CUX1: variants seen among roughly 807,000 people sequenced by gnomAD.
The protein encoded by CUX1 is protein CASP.
A neutral mutation model predicts 158.8 loss-of-function variants in CUX1; 31 were observed. That is an observed-to-expected ratio of 0.20 (90% CI 0.15 to 0.26). CUX1 has a LOEUF of 0.26. Ranked by LOEUF, CUX1 falls within the 10% of genes least tolerant of loss-of-function variation. The pLI is 1.00. For missense variants in CUX1, 1,589 were observed against 2,014.6 expected (o/e 0.79, Z 4.04); for synonymous variants, 879 against 862.1 (o/e 1.02, Z -0.34).
At chr7:102,154,833 T>C (rs1484687975) in intron 8 of CUX1, among the ~76,000 whole-genome samples, 1 of 152,046 alleles carries the variant, frequency 6.6e-6, no homozygotes, top group East Asian at 1.9e-4. Flanking sequence ...AGAGAGGGCT[T>C]ATATAGGGGC....
At chr7:102,211,766 T>C (rs1467790434) in intron 20 of CUX1, among the ~76,000 whole-genome samples, 2 of 105,320 alleles carry the variant, frequency 1.9e-5, no homozygotes, top group East Asian at 2.7e-4. Flanking sequence ...GTGACAAGAG[T>C]GAAACTCCAT....
intron 2 of CUX1, among the ~76,000 whole-genome samples, chr7:101,987,771 G>A (rs1007281740): frequency 1.3e-5 from 2 of 152,260 alleles, no homozygotes; most frequent in Non-Finnish European, 2.9e-5. Flanking sequence ...ACAGGAAACG[G>A]CAAATGAATG....
Position 102,189,805 on chromosome 7 carries a change from G to T in CUX1, c.1018-8G>T. On this transcript the variant is annotated splice_region_variant and splice_polypyrimidine_tract_variant and intron_variant, in intron 11 of 23. Coordinates refer to ENST00000292535, the MANE Select transcript of CUX1 (RefSeq NM_181552.4). ...ATGGCCACTGATCAAATTCTTCTCT[G>T]TTTTCAGCAACTGGAAGAAAAACTC... is the stretch of plus-strand genomic sequence containing the variant. 6.2e-7 allele frequency: 1 copy of T among 1,614,212 alleles called. No homozygotes were observed. Among genetic ancestry groups the T allele is most frequent in the Non-Finnish European group, 8.5e-7 (1 of 1,180,016 alleles).
At chr7:101,867,041 C>T (rs1007217715) in intron 1 of CUX1, among the ~76,000 whole-genome samples, 14 of 152,194 alleles carry the variant, frequency 9.2e-5, no homozygotes, top group African/African-American at 3.4e-4. Context: ...GCCAACATGG[C>T]GAAACGCCAT....
rs118042089 is a variant in CUX1 at position 101,916,296 on chromosome 7, C to T, written c.141+71C>T. ...GCTGGTGCATGTTCAGGCGACGCTC[C>T]GTGAGCGTTTCATTTTCATCAGATG... On this transcript the variant is annotated intron_variant, in intron 2 of 23. Transcript: ENST00000292535. The surrounding 1 kb of genome is among the most constrained non-coding windows in gnomAD (Gnocchi z 4.4). The T allele has an allele frequency of 2.2e-4, 214 of 977,546 alleles. No individual in the cohort carries two copies. In the East Asian group the frequency reaches 4.3e-3, roughly 20 times the overall value. 60.6% of individuals were successfully genotyped at this position (977,546 alleles called of 1,614,324 possible).
chr7:101,873,865 A>G (rs1562953200), intron 1 of CUX1, among the ~76,000 whole-genome samples: 1 of 152,326 alleles, frequency 6.6e-6, no homozygotes, highest in East Asian at 1.9e-4. Flanking sequence ...GAATACAGGC[A>G]TGAGCTACCG....
chr7:101,822,505 A>C (rs1278128690), intron 1 of CUX1: 2 of 152,216 alleles, frequency 1.3e-5, no homozygotes, highest in Non-Finnish European at 2.9e-5. Flanking sequence ...CCTGCGCCTG[A>C]AACAGCTTTG....
chr7:101,963,911 C>G (rs1302218367), intron 2 of CUX1, among the ~76,000 whole-genome samples: 1 of 152,142 alleles, frequency 6.6e-6, no homozygotes, highest in Non-Finnish European at 1.5e-5. Flanking sequence ...CTCACCTTCC[C>G]AAAGTGTTGG....
At chr7:102,261,312 G>T (rs1306230335), downstream of CUX1, among the ~76,000 whole-genome samples, 4 of 152,136 alleles carry the variant, frequency 2.6e-5, no homozygotes, top group Admixed American at 6.6e-5. Flanking sequence ...TGGCCAACAT[G>T]ATGAAACCCC....
intron 2 of CUX1, among the ~76,000 whole-genome samples, chr7:102,000,442 A>G (rs567689308): frequency 2.5e-4 from 38 of 152,334 alleles, no homozygotes; most frequent in Middle Eastern, 6.8e-3. Flanking sequence ...CCTCTTGTGG[A>G]AGGAAGATCG....
At position 101,916,345 on chromosome 7, in the gene CUX1, G is replaced by A. The variant is rs1026962158; in HGVS notation, c.141+120G>A. On this transcript the variant is annotated intron_variant, in intron 2 of 23. Coordinates refer to ENST00000292535, the MANE Select transcript of CUX1 (RefSeq NM_181552.4). This position sits in a 1 kb window ranked among gnomAD's most constrained non-coding sequence, Gnocchi z 4.4. ...TGAACGCACGGCCGGCAAACAACCC[G>A]TTTCTTTCCCCAGATGTCTTCAGCC... is the stretch of plus-strand genomic sequence containing the variant. 2.4e-5 allele frequency: 16 copies of A among 660,026 alleles called. No homozygotes were observed. Among genetic ancestry groups the A allele is most frequent in the Middle Eastern group, 3.5e-4 (1 of 2,836 alleles). The allele number at this position is 660,026 out of a possible 1,614,324, so 40.9% of individuals were successfully genotyped here. A position where few individuals can be genotyped will look rare whatever the true frequency, so the allele number is the denominator to read the frequency against.
intron 2 of CUX1, among the ~76,000 whole-genome samples, chr7:101,952,648 C>T (rs555481165): frequency 2.0e-5 from 3 of 152,312 alleles, no homozygotes; most frequent in South Asian, 2.1e-4. Flanking sequence ...GGGTTCCAAA[C>T]GTGCCATTGT....
intron 11 of CUX1, among the ~76,000 whole-genome samples, chr7:102,181,416 C>T (rs76142989): frequency 0.065 from 9,900 of 152,128 alleles, 446 homozygotes; most frequent in African/African-American, 0.12. Flanking sequence ...AGTTAAAGGG[C>T]GTGACTCAGA....
intron 2 of CUX1, among the ~76,000 whole-genome samples, chr7:102,016,770 TCTGATTATTCTTA>T (rs1408960191): frequency 6.6e-6 from 1 of 152,218 alleles, no homozygotes; most frequent in South Asian, 2.1e-4. Flanking sequence ...TGCCTACATC[TCTGATTATTCTTA>T]CGGATAGACT....
At chr7:102,145,415 T>C (rs1281918585) in intron 8 of CUX1, among the ~76,000 whole-genome samples, 1 of 151,682 alleles carries the variant, frequency 6.6e-6, no homozygotes, top group Non-Finnish European at 1.5e-5. Flanking sequence ...TTGTGGGTGA[T>C]TGTGATGATC....
At chr7:101,873,558 A>G (rs983105542) in intron 1 of CUX1, among the ~76,000 whole-genome samples, 2 of 152,050 alleles carry the variant, frequency 1.3e-5, no homozygotes, top group Non-Finnish European at 2.9e-5. Context: ...ATATTGGGAG[A>G]TAGATGAAAC....
downstream of CUX1, among the ~76,000 whole-genome samples, chr7:102,262,610 C>T (rs1349164580): frequency 3.9e-5 from 6 of 152,232 alleles, no homozygotes; most frequent in Non-Finnish European, 7.4e-5. Flanking sequence ...GCCCCATCTC[C>T]TGGGGTCTTT....
upstream of CUX1, chr7:101,816,966 C>G (rs1185160106): frequency 1.0e-6 from 1 of 983,492 alleles, no homozygotes; most frequent in Non-Finnish European, 1.2e-6. Flanking sequence ...GGGCCACCCG[C>G]GCACCTCGCG....
intron 20 of CUX1, among the ~76,000 whole-genome samples, chr7:102,212,024 C>T (rs782575873): frequency 7.2e-5 from 11 of 152,144 alleles, no homozygotes; most frequent in South Asian, 2.1e-4. Flanking sequence ...GGGACCTTGC[C>T]GGAAAGCCCC....
Sources: gnomAD v4.1 joint callset for allele counts (sites outside exome capture counted in the v4.1 genomes callset) on GRCh38, gnomAD v4.1.1 for gene constraint, Gnocchi (gnomAD v3.1) non-coding constraint, MANE v1.5 for transcripts, NCBI Gene and HGNC (gene_info 2026-07-23, HGNC 2026-07-21) for gene names.